Variants in LUC7L2 observed in about 807,000 individuals in gnomAD.
LUC7L2 encodes the protein putative RNA-binding protein Luc7-like 2.
LUC7L2 carries 25 observed loss-of-function variants against 52.8 expected under a neutral mutation model. The observed-to-expected ratio is 0.47, with a 90% confidence interval of 0.34 to 0.66. LUC7L2 has a LOEUF of 0.66. Among genes scored for constraint, LUC7L2 ranks in the 30% least tolerant of loss-of-function variants. The pLI is 0.01. For missense variants in LUC7L2, 328 were observed against 497.8 expected, an observed-to-expected ratio of 0.66 and a Z score of 3.25; for synonymous variants, 144 against 160.9, an observed-to-expected ratio of 0.89 and a Z score of 0.80.
intron 9 of LUC7L2, among the ~76,000 whole-genome samples, chr7:139,421,001 A>G (rs190036260): frequency 1.3e-4 from 20 of 152,230 alleles, no homozygotes; most frequent in Admixed American, 2.0e-4. Context: ...GGGTTTCACT[A>G]TGTTGGCTAG....
chr7:139,341,686 C>G (rs555238900), intron 1 of LUC7L2, among the ~76,000 whole-genome samples: 2 of 152,268 alleles, frequency 1.3e-5, no homozygotes, highest in African/African-American at 4.8e-5. Flanking sequence ...GCTCCATGCT[C>G]TGGCATAAAC....
chr7:139,404,754 T>G (rs1169297144), intron 4 of LUC7L2, among the ~76,000 whole-genome samples: 1 of 152,116 alleles, frequency 6.6e-6, no homozygotes, highest in Non-Finnish European at 1.5e-5. Context: ...GCCAGGCGAG[T>G]ATGCTGAAAA....
chr7:139,341,187 G>T (rs1270500560), intron 1 of LUC7L2: 7 of 938,102 alleles, frequency 7.5e-6, no homozygotes, highest in Non-Finnish European at 1.0e-5. Flanking sequence ...GTCGGGTTTC[G>T]TTTGATTTTG....
intron 4 of LUC7L2, among the ~76,000 whole-genome samples, chr7:139,404,998 G>C (rs546790059): frequency 1.1e-4 from 17 of 152,322 alleles, no homozygotes; most frequent in Admixed American, 1.0e-3. Flanking sequence ...GAGCACTAGA[G>C]ATACAAAGAT....
At chr7:139,351,406 G>A (rs1799454115) in intron 1 of LUC7L2, among the ~76,000 whole-genome samples, 1 of 152,152 alleles carries the variant, frequency 6.6e-6, no homozygotes. Context: ...CACTAAATCA[G>A]ATTTTACCTC....
chr7:139,412,698 C>A, intron 8 of LUC7L2, 118 bp downstream of exon 8: 1 of 1,220,690 alleles, frequency 8.2e-7, no homozygotes, highest in Non-Finnish European at 1.1e-6. Flanking sequence ...CACGGTGATG[C>A]ATGCTTGTAA....
upstream of LUC7L2, among the ~76,000 whole-genome samples, chr7:139,357,379 T>C (rs1009354476): frequency 1.3e-5 from 2 of 152,206 alleles, no homozygotes; most frequent in Non-Finnish European, 2.9e-5. Flanking sequence ...CATTATGTAT[T>C]GTATAGACTA....
chr7:139,418,509 T>C (rs1795731564), intron 9 of LUC7L2, among the ~76,000 whole-genome samples: 2 of 152,222 alleles, frequency 1.3e-5, no homozygotes, highest in Non-Finnish European at 2.9e-5. Flanking sequence ...ATAAACATTT[T>C]TTGAGTGCCT....
At chr7:139,364,992 C>G (rs1569368701) in intron 1 of LUC7L2, among the ~76,000 whole-genome samples, 2 of 152,102 alleles carry the variant, frequency 1.3e-5, no homozygotes, top group Non-Finnish European at 2.9e-5. Flanking sequence ...TAAATAATAA[C>G]AGGATATTTC....
intron 6 of LUC7L2, among the ~76,000 whole-genome samples, chr7:139,409,217 G>A (rs1451642462): frequency 6.6e-6 from 1 of 151,488 alleles, no homozygotes; most frequent in Non-Finnish European, 1.5e-5. Context: ...TGAGGTGGGA[G>A]GATCACTGGA....
rs1585145028 is a variant in LUC7L2 at position 139,422,223 on chromosome 7, A to G, written c.1062A>G (p.Ser354=). 1 of 1,614,182 alleles carries G rather than the reference A, an allele frequency of 6.2e-7. No homozygotes were observed. Among genetic ancestry groups the G allele is most frequent in the East Asian group, 2.2e-5 (1 of 44,880 alleles). The change falls in exon 10 of 10, where the codon TCA becomes TCG. Residue 354 remains serine (S), a synonymous_variant. Transcript: ENST00000354926. The part of the protein sequence containing the change: ...DLASCDRDRS[S]RDRSPRDRDR... Reference sequence around the variant, plus strand: ...CATCATGTGACAGAGACAGGAGTTCAAGAGACAGATCACCTCGTGACAGAG... The same window carrying G: ...CATCATGTGACAGAGACAGGAGTTCGAGAGACAGATCACCTCGTGACAGAG...
At chr7:139,367,511 TCTTGA>T (rs1258166236) in intron 1 of LUC7L2, among the ~76,000 whole-genome samples, 2 of 152,236 alleles carry the variant, frequency 1.3e-5, no homozygotes, top group Non-Finnish European at 2.9e-5. Context: ...GAACTTTTTT[TCTTGA>T]CTTAATTGTG....
At position 139,344,869 on chromosome 7, in the gene LUC7L2, A is replaced by ATT. The variant is rs11421635; in HGVS notation, c.-26+4368_-26+4369dup. ...AGGCACCCGCCACCACACCCGGCTA[A>ATT]TTTTTTTTTTTTTTTTTGGATTTTT... On this transcript the variant is annotated intron_variant, in intron 1 of 10. Coordinates refer to the LUC7L2 transcript ENST00000541170. 5.4e-3 allele frequency: 713 copies of ATT among 132,632 alleles called. 4 individuals are homozygous for ATT. The highest frequency in any genetic ancestry group is 0.017 in the East Asian group (78 of 4,602). The allele number at this position is 132,632 out of a possible 1,614,324, so 8.2% of individuals were successfully genotyped here.
intron 1 of LUC7L2, chr7:139,341,122 CCT>C (rs778488603): frequency 7.5e-5 from 30 of 398,578 alleles, no homozygotes; most frequent in Admixed American, 9.1e-5. Flanking sequence ...AAGAAAAGCC[CCT>C]GTTTCCCCAA....
At chr7:139,390,521 G>A (rs1160281310) in intron 2 of LUC7L2, among the ~76,000 whole-genome samples, 2 of 149,574 alleles carry the variant, frequency 1.3e-5, no homozygotes, top group African/African-American at 2.5e-5. Flanking sequence ...GAGCCACTGC[G>A]TCTGGCCTAG....
At chr7:139,391,671 C>T (rs1014998494) in intron 2 of LUC7L2, among the ~76,000 whole-genome samples, 1 of 152,144 alleles carries the variant, frequency 6.6e-6, no homozygotes, top group Non-Finnish European at 1.5e-5. Context: ...TCACTGCAAC[C>T]TCTGCCTCCC....
At position 139,362,102 on chromosome 7, in the gene LUC7L2, A is replaced by T. The variant is rs538979829; in HGVS notation, c.61+1780A>T. On this transcript the variant is annotated intron_variant, in intron 1 of 9. Coordinates refer to ENST00000354926, the MANE Select transcript of LUC7L2 (RefSeq NM_016019.5). ...TTGTGTATTTTTTTATGTGTCTGTT[A>T]CTGGATTTTTTTTTTTAACCTTCAG... 2.0e-5 allele frequency among the ~76,000 whole-genome samples: 3 copies of T among 151,856 alleles called. No individual in the cohort carries two copies. The East Asian group carries it at 5.8e-4, about 29-fold the overall frequency.
In LUC7L2 at chr7:139,407,000, G is replaced by GTTTTTTTTTTTTTTTTT. The variant is rs779013466; in HGVS notation, c.511-174_511-173insTTTTTTTTTTTTTTTTT. ...CATAACAAAATAGCCATGCTTTTGT[G>GTTTTTTTTTTTTTTTTT]GTTTTTTTTTTTTTTTTTTTTTGAG... On this transcript the variant is annotated intron_variant, in intron 5 of 9. Coordinates refer to ENST00000354926, the MANE Select transcript of LUC7L2 (RefSeq NM_016019.5). Among the ~76,000 whole-genome samples the GTTTTTTTTTTTTTTTTT allele has an allele frequency of 5.4e-5, 6 of 111,612 alleles. 2 individuals are homozygous for GTTTTTTTTTTTTTTTTT. The highest frequency in any genetic ancestry group is 1.1e-4 in the African/African-American group (3 of 26,604). 73.2% of individuals were successfully genotyped at this position (111,612 alleles called of 152,430 possible).
intron 2 of LUC7L2, among the ~76,000 whole-genome samples, chr7:139,381,690 C>T (rs1344107301): frequency 6.6e-6 from 1 of 151,764 alleles, no homozygotes; most frequent in African/African-American, 2.4e-5. Flanking sequence ...GATTTTCCTA[C>T]CCCAGCCTCC....
Sources: gnomAD v4.1 joint callset for allele counts (sites outside exome capture counted in the v4.1 genomes callset) on GRCh38, gnomAD v4.1.1 for gene constraint, MANE v1.5 for transcripts, NCBI Gene and HGNC (gene_info 2026-07-23, HGNC 2026-07-21) for gene names.